MCM9: variants seen among roughly 807,000 people sequenced by gnomAD.
MCM9 encodes the protein minichromosome maintenance 9 homologous recombination repair factor, also known as DNA helicase MCM9.
In MCM9, 55 loss-of-function variants were observed where a neutral mutation model predicts 72.8. The ratio of observed to expected loss-of-function variants is 0.76; its 90% CI spans 0.61 to 0.95. The LOEUF is 0.95. MCM9 is among the 40% of genes least tolerant of loss of function. The pLI is 0.00. For synonymous variants in MCM9, 480 were observed against 503.4 expected, an observed-to-expected ratio of 0.95 and a Z score of 0.62; for missense variants, 1,279 against 1,377.0, an observed-to-expected ratio of 0.93 and a Z score of 1.13.
chr6:118,815,371 C>T lies in MCM9; in HGVS notation c.2885G>A (p.Arg962Lys), dbSNP rs1198109807. ...ACGCTTCACCGGCAAGGCTGCGTCTCTTCTTGTTCTACGCTGGGAAATTTT... is the reference window on the plus strand; with the variant it reads ...ACGCTTCACCGGCAAGGCTGCGTCTTTTCTTGTTCTACGCTGGGAAATTTT... The part of the protein sequence containing the change: ...SPKISQRRTR[R>K]DAALPVKRPG... The change falls in exon 14 of 14, where the codon AGA (arginine) becomes AAA (lysine). Residue 962 changes from arginine (R) to lysine (K), a missense_variant. Coordinates refer to ENST00000619706, the MANE Select transcript of MCM9 (RefSeq NM_017696.3). 22 of 1,550,554 alleles carry T rather than the reference C, an allele frequency of 1.4e-5. No homozygotes were observed. The highest frequency in any genetic ancestry group is 1.9e-5 in the Non-Finnish European group (22 of 1,146,928).
intron 8 of MCM9, among the ~76,000 whole-genome samples, chr6:118,860,358 T>A (rs1776823850): frequency 6.6e-6 from 1 of 152,100 alleles, no homozygotes; most frequent in Non-Finnish European, 1.5e-5. Flanking sequence ...TTTAATGGGT[T>A]TATTAGCAGG....
chr6:118,899,258 C>A (rs1779643724), intron 8 of MCM9, among the ~76,000 whole-genome samples: 1 of 152,208 alleles, frequency 6.6e-6, no homozygotes. Flanking sequence ...CTGCTCAAAA[C>A]CCTTCGATGG....
chr6:118,815,910 C>T lies in MCM9; in HGVS notation c.2346G>A (p.Gln782=). 7 of 1,546,782 alleles carry T rather than the reference C, an allele frequency of 4.5e-6. No individual in the cohort carries two copies. Among genetic ancestry groups the T allele is most frequent in the Non-Finnish European group, 3.5e-6 (4 of 1,146,890 alleles). The part of the protein sequence containing the change: ...MASKISNSTS[Q]GKEKSEPGQR... ...GGCCTGGCTCACTCTTCTCCTTACC[C>T]TGAGATGTGCTGTTAGAGATCTTCG... The change falls in exon 14 of 14, where the codon CAG becomes CAA. Residue 782 remains glutamine (Q), a synonymous_variant. Transcript: ENST00000619706.
At chr6:118,905,696 A>G (rs773531880) in intron 8 of MCM9, 5 of 1,613,640 alleles carry the variant, frequency 3.1e-6, no homozygotes, top group Non-Finnish European at 3.4e-6. Flanking sequence ...CAGATGCAGT[A>G]GGCGTAACTG....
intron 13 of MCM9, among the ~76,000 whole-genome samples, chr6:118,823,531 G>A (rs1156739911): frequency 1.3e-5 from 2 of 152,184 alleles, no homozygotes; most frequent in Admixed American, 6.5e-5. Context: ...GACCACAGCT[G>A]TTCCTATTTG....
chr6:118,872,615 T>G (rs1293568993), intron 8 of MCM9, among the ~76,000 whole-genome samples: 2 of 151,840 alleles, frequency 1.3e-5, no homozygotes, highest in African/African-American at 4.8e-5. Context: ...TACATCAAGA[T>G]GCAATCTACC....
chr6:118,816,338 G>C (rs1464677376), intron 13 of MCM9, 44 bp from the exon 14 acceptor site: 2 of 1,446,548 alleles, frequency 1.4e-6, no homozygotes, highest in South Asian at 3.0e-5. Flanking sequence ...GAAGGGAAGA[G>C]AATTTGTGCT....
intron 13 of MCM9, among the ~76,000 whole-genome samples, chr6:118,821,222 C>T (rs181344594): frequency 1.7e-4 from 26 of 152,234 alleles, no homozygotes; most frequent in Admixed American, 8.5e-4. Context: ...ATAGCATCAA[C>T]GGTCTTTACA....
intron 8 of MCM9, among the ~76,000 whole-genome samples, chr6:118,897,933 A>T (rs9489535): frequency 0.057 from 8,721 of 152,224 alleles, 361 homozygotes; most frequent in East Asian, 0.19. Context: ...ATCAATGTAC[A>T]AGTGTTCCCT....
rs918325099 is a variant in MCM9 at position 118,919,939 on chromosome 6, T to C, written c.703+2066A>G. The C allele has an allele frequency of 2.6e-5, 4 of 152,228 alleles. No homozygotes were observed. In the East Asian group the frequency reaches 5.8e-4, roughly 22 times the overall value. The allele number at this position is 152,228 out of a possible 1,614,324, so 9.4% of individuals were successfully genotyped here. On this transcript the variant is annotated intron_variant, in intron 5 of 13. Transcript: ENST00000619706. The stretch of plus-strand genomic sequence containing the variant: ...TGAAGGGCAAGGATTATATACTATT[T>C]GTCTTTTGATTCCCACAGAGGTTTA...
intron 9 of MCM9, among the ~76,000 whole-genome samples, chr6:118,831,243 T>C (rs749725252): frequency 1.3e-5 from 2 of 151,116 alleles, no homozygotes; most frequent in African/African-American, 4.9e-5. Context: ...TTCCAGCTGC[T>C]TGGGAGGCTG....
chr6:118,835,896 T>G (rs1386993208), intron 9 of MCM9, among the ~76,000 whole-genome samples: 1 of 152,014 alleles, frequency 6.6e-6, no homozygotes, highest in Non-Finnish European at 1.5e-5. Flanking sequence ...TGACTAGGAG[T>G]GGTGAGAGAG....
At chr6:118,869,109 T>C (rs1196190864) in intron 8 of MCM9, among the ~76,000 whole-genome samples, 2 of 152,180 alleles carry the variant, frequency 1.3e-5, no homozygotes, top group African/African-American at 4.8e-5. Context: ...TTCACGTCCT[T>C]TGCAGGGACA....
intron 6 of MCM9, 62 bp downstream of exon 6, chr6:118,917,499 C>A: frequency 6.7e-7 from 1 of 1,483,648 alleles, no homozygotes; most frequent in South Asian, 1.2e-5. Flanking sequence ...TCACAGACAT[C>A]ATATTTAACC....
rs1777887621 is a variant in MCM9, at chr6:118,875,655, TTA to T, written c.1151-19112_1151-19111del. 1.6e-4 allele frequency among the ~76,000 whole-genome samples: 7 copies of T among 44,998 alleles called. No homozygotes were observed. The South Asian group carries it at 6.9e-3, about 45-fold the overall frequency. 29.5% of individuals were successfully genotyped at this position (44,998 alleles called of 152,430 possible). On this transcript the variant is annotated intron_variant, in intron 8 of 13. Transcript: ENST00000619706. ...TGTCTCAAAAAAATAATAATAATAA[TTA>T]AAATAATAATAATAATAATAATAAT...
At chr6:118,929,253 G>A (rs968364667) in intron 3 of MCM9, among the ~76,000 whole-genome samples, 2 of 152,126 alleles carry the variant, frequency 1.3e-5, no homozygotes, top group African/African-American at 4.8e-5. Context: ...AGTGAGGCAT[G>A]CATCACACAT....
At chr6:118,853,274 T>C (rs573056185) in intron 9 of MCM9, among the ~76,000 whole-genome samples, 20 of 152,326 alleles carry the variant, frequency 1.3e-4, no homozygotes, top group African/African-American at 4.3e-4. Context: ...TCTCTTCCAT[T>C]GAAGAGTCTA....
At chr6:118,871,912 AAAAC>A (rs200792238) in intron 8 of MCM9, among the ~76,000 whole-genome samples, 2,576 of 152,340 alleles carry the variant, frequency 0.017, 75 homozygotes, top group African/African-American at 0.058. Context: ...TCTCAAAAAC[AAAAC>A]AAACAAACAA....
intron 8 of MCM9, among the ~76,000 whole-genome samples, chr6:118,882,463 G>C (rs1344857130): frequency 2.0e-5 from 3 of 152,174 alleles, no homozygotes; most frequent in African/African-American, 4.8e-5. Context: ...GAGAACCAGG[G>C]AAACAGCCAA....
Sources: gnomAD v4.1 joint callset for allele counts (sites outside exome capture counted in the v4.1 genomes callset) on GRCh38, gnomAD v4.1.1 for gene constraint, MANE v1.5 for transcripts, NCBI Gene and HGNC (gene_info 2026-07-23, HGNC 2026-07-21) for gene names.